Variants in PAH observed in about 807,000 individuals in gnomAD.
PAH encodes phenylalanine-4-hydroxylase.
A neutral mutation model predicts 62.0 loss-of-function variants in PAH; 64 were observed. That is an observed-to-expected ratio of 1.03 (90% CI 0.84 to 1.27). The LOEUF (loss-of-function observed/expected upper bound fraction) is 1.27. PAH is among the 50% of genes most tolerant of loss of function. The probability of loss-of-function intolerance (pLI) is 0.00; values close to 1 mark genes in which losing one functional copy is unlikely to be tolerated. For synonymous variants in PAH, 195 were observed against 196.2 expected (o/e 0.99, Z 0.05); for missense variants, 579 against 542.8 (o/e 1.07, Z -0.66).
intron 2 of PAH, among the ~76,000 whole-genome samples, chr12:102,904,564 G>C (rs1225406676): frequency 6.6e-6 from 1 of 152,072 alleles, no homozygotes; most frequent in Non-Finnish European, 1.5e-5. Flanking sequence ...AATGACCCTT[G>C]GAATTCTTTT....
upstream of PAH, chr12:102,917,535 A>G: frequency 3.2e-6 from 1 of 307,836 alleles, no homozygotes; most frequent in Non-Finnish European, 6.4e-6. Flanking sequence ...GTTCTCTGCA[A>G]TTGGACTAAG....
intron 4 of PAH, among the ~76,000 whole-genome samples, chr12:102,869,550 A>AG (rs933044996): frequency 2.0e-5 from 3 of 152,256 alleles, no homozygotes; most frequent in African/African-American, 7.2e-5. Flanking sequence ...TTAGTGAAGT[A>AG]GCAGGAGATT....
chr12:102,862,025 C>T (rs1875749779), intron 5 of PAH, among the ~76,000 whole-genome samples: 1 of 148,316 alleles, frequency 6.7e-6, no homozygotes, highest in Non-Finnish European at 1.5e-5. Context: ...AACAGAAATA[C>T]CATTTGACCC....
chr12:102,903,410 C>A (rs1310555623), intron 2 of PAH, among the ~76,000 whole-genome samples: 1 of 114,704 alleles, frequency 8.7e-6, no homozygotes, highest in Non-Finnish European at 1.7e-5. Context: ...AAAAAACAAC[C>A]TTATGTATGG....
chr12:102,932,994 G>T (rs974739680), intron 1 of PAH, among the ~76,000 whole-genome samples: 1 of 152,074 alleles, frequency 6.6e-6, no homozygotes, highest in African/African-American at 2.4e-5. Flanking sequence ...ATCCAATTAT[G>T]CTCTTTCATT....
At chr12:102,917,495 T>TG, upstream of PAH, 2 of 326,858 alleles carry the variant, frequency 6.1e-6, no homozygotes, top group South Asian at 5.8e-5. Flanking sequence ...GTTTAGGCAC[T>TG]TCCGGGACTC....
chr12:102,908,302 C>T (rs1290748157), intron 2 of PAH, among the ~76,000 whole-genome samples: 4 of 151,626 alleles, frequency 2.6e-5, no homozygotes, highest in African/African-American at 4.9e-5. Context: ...AGTTACTTGT[C>T]GTTTATTTAT....
At chr12:102,855,370 C>G (rs185384106) in intron 5 of PAH, 38 bp from the exon 6 acceptor site, 2 of 1,579,036 alleles carry the variant, frequency 1.3e-6, no homozygotes, top group Non-Finnish European at 1.7e-6. Flanking sequence ...TCAAGCAGGG[C>G]AGGGGCACAG....
chr12:102,896,977 T>G lies in PAH; in HGVS notation c.169-2059A>C, dbSNP rs181768191. Among the ~76,000 whole-genome samples the G allele has an allele frequency of 3.1e-3, 469 of 152,336 alleles. 6 individuals carry two copies. The South Asian group carries it at 0.045, about 14-fold the overall frequency. On this transcript the variant is annotated intron_variant, in intron 2 of 12. Transcript: ENST00000553106. ...CCGCAGCACAGATGTGGTCATAAATTCTTTAACCAATACCCTAGTGATGGG... is the reference window on the plus strand; with the variant it reads ...CCGCAGCACAGATGTGGTCATAAATGCTTTAACCAATACCCTAGTGATGGG...
Position 102,915,456 on chromosome 12 carries a change from C to T in PAH, c.60+1615G>A, listed in dbSNP as rs182888701. On this transcript the variant is annotated intron_variant, in intron 1 of 12. Transcript: ENST00000553106. ...AGGCTCCTAATTATCAATTTTTCTA[C>T]ATAATTCCCTTTGCTATGGACATAA... Among the ~76,000 whole-genome samples the T allele has an allele frequency of 9.7e-4, 147 of 152,308 alleles. 1 individual carries two copies. The highest frequency in any genetic ancestry group is 3.3e-3 in the African/African-American group (138 of 41,572).
At chr12:102,876,403 GAA>G (rs1876566504) in intron 4 of PAH, among the ~76,000 whole-genome samples, 1 of 152,226 alleles carries the variant, frequency 6.6e-6, no homozygotes, top group African/African-American at 2.4e-5. Context: ...CCGGGCCTTA[GAA>G]AAGTCATCAG....
intron 3 of PAH, among the ~76,000 whole-genome samples, chr12:102,888,012 C>A (rs1267243045): frequency 6.6e-6 from 1 of 152,170 alleles, no homozygotes; most frequent in African/African-American, 2.4e-5. Context: ...TTTGGACTGA[C>A]CCAAATGGCA....
chr12:102,878,699 G>GAAGA (rs1876683110), intron 3 of PAH, among the ~76,000 whole-genome samples: 1 of 151,642 alleles, frequency 6.6e-6, no homozygotes, highest in South Asian at 2.1e-4. Context: ...AGGAAGGAAG[G>GAAGA]AAGAAAGAAA....
At position 102,913,408 on chromosome 12, in the gene PAH, C is replaced by T. The variant is rs140642967; in HGVS notation, c.61-510G>A. On this transcript the variant is annotated intron_variant, in intron 1 of 12. Coordinates refer to ENST00000553106, the MANE Select transcript of PAH (RefSeq NM_000277.3). ...ATGGAACATGCACAGGCTTTTGAAT[C>T]GTAAGACCTGGATTGGAATCCTCTC... 2.5e-3 allele frequency among the ~76,000 whole-genome samples: 387 copies of T among 152,226 alleles called. 2 individuals carry two copies. The highest frequency in any genetic ancestry group is 8.6e-3 in the African/African-American group (358 of 41,552).
chr12:102,923,794 A>G (rs1283473305), intron 1 of PAH, among the ~76,000 whole-genome samples: 1 of 152,156 alleles, frequency 6.6e-6, no homozygotes, highest in East Asian at 1.9e-4. Context: ...ACATGGTCTC[A>G]CAGTCCAGAT....
Position 102,877,470 on chromosome 12 carries a change from C to G in PAH, c.433G>C (p.Asp145His). 1 of 1,613,314 alleles carries G rather than the reference C, an allele frequency of 6.2e-7. No individual in the cohort carries two copies. Among genetic ancestry groups the G allele is most frequent in the East Asian group, 2.2e-5 (1 of 44,836 alleles). ...ILSYGAELDA[D>H]HPGFKDPVYR... ...ACGGGCCATGGACTCACAGGGTGGT[C>G]AGCATCCAGTTCCGCTCCATAGCTG... The change falls in exon 4 of 13, where the codon GAC becomes CAC. Residue 145 changes from aspartate to histidine, a missense_variant. Physicochemically the swap from Asp to His is moderately conservative, Grantham distance 81 (BLOSUM62 -1). Transcript: ENST00000553106.
intron 2 of PAH, among the ~76,000 whole-genome samples, chr12:102,901,151 T>C (rs1877736003): frequency 6.6e-6 from 1 of 152,160 alleles, no homozygotes; most frequent in African/African-American, 2.4e-5. Context: ...TTCATAATGG[T>C]GAAAAGTTGG....
chr12:102,945,771 C>T (rs1879470599), intron 1 of PAH, among the ~76,000 whole-genome samples: 1 of 152,074 alleles, frequency 6.6e-6, no homozygotes, highest in Non-Finnish European at 1.5e-5. Flanking sequence ...AACCCAAGAG[C>T]CTGCCTGCTA....
At chr12:102,905,422 T>C (rs956785133) in intron 2 of PAH, among the ~76,000 whole-genome samples, 1 of 152,230 alleles carries the variant, frequency 6.6e-6, no homozygotes, top group Non-Finnish European at 1.5e-5. Context: ...GCTCTCAATA[T>C]TTTGTTTCAA....
Sources: allele counts gnomAD v4.1 joint callset (sites outside exome capture counted in the v4.1 genomes callset), GRCh38; gene constraint gnomAD v4.1.1; transcripts MANE v1.5; gene names NCBI Gene and HGNC (gene_info 2026-07-23, HGNC 2026-07-21).